OTOGL: variants seen among roughly 807,000 people sequenced by gnomAD.
The protein encoded by OTOGL is otogelin like.
A neutral mutation model predicts 318.5 loss-of-function variants in OTOGL; 285 were observed. The ratio of observed to expected loss-of-function variants is 0.89; its 90% CI spans 0.81 to 0.99. The LOEUF is 0.99. OTOGL is among the 50% of genes least tolerant of loss of function. OTOGL has a pLI of 0.00. For missense variants in OTOGL, 2,899 were observed against 2,845.6 expected (o/e 1.02, Z -0.43); for synonymous variants, 987 against 936.5 (o/e 1.05, Z -0.99).
At chr12:80,140,249 G>A (rs948563282) in intron 1 of OTOGL, among the ~76,000 whole-genome samples, 14 of 152,070 alleles carry the variant, frequency 9.2e-5, no homozygotes, top group Admixed American at 7.2e-4. Context: ...GTTGTTTTTC[G>A]TTTTACCAAC....
At chr12:80,349,809 T>C (rs1174113741) in intron 44 of OTOGL, among the ~76,000 whole-genome samples, 1 of 152,214 alleles carries the variant, frequency 6.6e-6, no homozygotes. Flanking sequence ...TTTATTTTTA[T>C]ATTGACAGAT....
rs757530648 is a variant in OTOGL at position 80,252,193 on chromosome 12, G to T, written c.1277G>T (p.Cys426Phe). 27 of 1,598,420 alleles carry T rather than the reference G, an allele frequency of 1.7e-5. No homozygotes were observed. Among genetic ancestry groups the T allele is most frequent in the African/African-American group, 2.7e-5 (2 of 74,768 alleles). ...SNLHCLDGCY[C>F]PDGLVMDNGT... ...CTCCATTGTCTTGATGGATGTTACT[G>T]CCCAGATGGTAAGTGCTTCATGAAG... The change falls in exon 13 of 59, where the codon TGC (cysteine) becomes TTC (phenylalanine). Residue 426 changes from cysteine to phenylalanine, a missense_variant. Physicochemically the swap from Cys to Phe is radical, Grantham distance 205 (BLOSUM62 -2). Coordinates refer to ENST00000547103, the MANE Select transcript of OTOGL (RefSeq NM_001378609.3).
At chr12:80,314,226 A>G (rs1202901981) in intron 31 of OTOGL, 79 bp from the exon 32 acceptor site, 10 of 416,628 alleles carry the variant, frequency 2.4e-5, no homozygotes, top group Admixed American at 1.5e-4. Flanking sequence ...ATTGATAAAT[A>G]TGTGGCCATA....
At chr12:80,330,796 G>A (rs1041457308) in intron 37 of OTOGL, among the ~76,000 whole-genome samples, 2 of 152,120 alleles carry the variant, frequency 1.3e-5, no homozygotes, top group African/African-American at 2.4e-5. Flanking sequence ...GAATGCAAGA[G>A]CAATACACAA....
chr12:80,109,767 C>G (rs1242679105), intron 1 of OTOGL, among the ~76,000 whole-genome samples: 1 of 152,082 alleles, frequency 6.6e-6, no homozygotes, highest in East Asian at 1.9e-4. Flanking sequence ...GACTGATGAC[C>G]ACCACATTAG....
intron 18 of OTOGL, among the ~76,000 whole-genome samples, chr12:80,260,500 A>G (rs1460442444): frequency 3.9e-5 from 6 of 152,142 alleles, no homozygotes; most frequent in African/African-American, 1.4e-4. Flanking sequence ...TAAGAGTGCA[A>G]GATGATACTT....
intron 1 of OTOGL, among the ~76,000 whole-genome samples, chr12:80,168,109 C>T (rs1291903380): frequency 2.6e-5 from 4 of 151,920 alleles, no homozygotes; most frequent in African/African-American, 9.7e-5. Flanking sequence ...AGGCGCACGC[C>T]ACCACACCTG....
At chr12:80,268,580 C>A (rs1430401037) in intron 22 of OTOGL, among the ~76,000 whole-genome samples, 4 of 152,166 alleles carry the variant, frequency 2.6e-5, no homozygotes, top group Non-Finnish European at 5.9e-5. Flanking sequence ...GCTCTTGGAT[C>A]TTTCTGTGGT....
Position 80,310,661 on chromosome 12 carries a change from A to T in OTOGL, c.3384A>T (p.Lys1128Asn), listed in dbSNP as rs1886572929. Residue 1128 changes from lysine (K) to asparagine (N), a missense_variant, in exon 30 of 59, where the codon AAA (lysine) becomes AAT (asparagine). Transcript: ENST00000547103. ...AACCCTGTGAGGCACATCAAAACAA[A>T]TTTCCTTATGCCAAGAAAGAATGCT... ...TIKPCEAHQN[K>N]FPYAKKECSI... 6.3e-7 allele frequency: 1 copy of T among 1,597,322 alleles called. No individual in the cohort carries two copies. Among genetic ancestry groups the T allele is most frequent in the South Asian group, 1.1e-5 (1 of 91,036 alleles).
At position 80,229,222 on chromosome 12, in the gene OTOGL, T is replaced by C. The variant is rs765798672; in HGVS notation, c.490-35T>C. 4 of 1,583,304 alleles carry C rather than the reference T, an allele frequency of 2.5e-6. No homozygotes were observed. In the South Asian group the frequency reaches 4.4e-5, roughly 18 times the overall value. On this transcript the variant is annotated intron_variant, in intron 7 of 58. Coordinates refer to ENST00000547103, the MANE Select transcript of OTOGL (RefSeq NM_001378609.3). ...TTTAATAACTCAGATTTATTGTTTG[T>C]TCCTATGCTTTCTTTTTGTTTTTCT...
At chr12:80,149,657 C>G (rs12827400) in intron 1 of OTOGL, among the ~76,000 whole-genome samples, 3,431 of 152,218 alleles carry the variant, frequency 0.023, 64 homozygotes, top group Non-Finnish European at 0.036. Flanking sequence ...GCGGGCGCCC[C>G]TCCCCCAGCC....
At chr12:80,324,251 A>G (rs1300677706) in intron 35 of OTOGL, among the ~76,000 whole-genome samples, 1 of 152,228 alleles carries the variant, frequency 6.6e-6, no homozygotes, top group Non-Finnish European at 1.5e-5. Context: ...TGGTCAGTGA[A>G]GAGCACCCTG....
chr12:80,185,638 GATA>G (rs1395852598), intron 1 of OTOGL, among the ~76,000 whole-genome samples: 3 of 152,094 alleles, frequency 2.0e-5, no homozygotes, highest in Non-Finnish European at 4.4e-5. Flanking sequence ...TGTAAAAAGG[GATA>G]ATAATGGCAT....
intron 18 of OTOGL, among the ~76,000 whole-genome samples, chr12:80,259,938 A>G (rs111745725): frequency 3.2e-4 from 49 of 152,112 alleles, no homozygotes; most frequent in African/African-American, 1.2e-3. Context: ...TTCAGACATT[A>G]TTTGCCTCAA....
At chr12:80,353,203 C>T in intron 45 of OTOGL, 122 bp from the exon 46 acceptor site, 2 of 718,722 alleles carry the variant, frequency 2.8e-6, no homozygotes, top group Non-Finnish European at 4.1e-6. Flanking sequence ...GAAAAATGGA[C>T]TTTGAAGAGA....
intron 35 of OTOGL, among the ~76,000 whole-genome samples, chr12:80,324,896 G>T (rs1343227619): frequency 6.6e-6 from 1 of 152,180 alleles, no homozygotes; most frequent in African/African-American, 2.4e-5. Context: ...TAAGGAAGAT[G>T]TTAGAAGAAA....
intron 1 of OTOGL, among the ~76,000 whole-genome samples, chr12:80,162,295 A>T (rs1450638106): frequency 6.6e-6 from 1 of 152,142 alleles, no homozygotes; most frequent in Non-Finnish European, 1.5e-5. Context: ...ATAGAAACAG[A>T]TGCACTTCTC....
In OTOGL at chr12:80,252,198, G is replaced by C. The variant is rs769096666; in HGVS notation, c.1282G>C (p.Asp428His). ...LHCLDGCYCP[D>H]GLVMDNGTCI... ...TTGTCTTGATGGATGTTACTGCCCA[G>C]ATGGTAAGTGCTTCATGAAGAAACC... Residue 428 changes from aspartate (D) to histidine (H), a missense_variant, in exon 13 of 59, where the codon GAT becomes CAT. Transcript: ENST00000547103. 1.1e-5 allele frequency: 18 copies of C among 1,598,080 alleles called. No homozygotes were observed. The Admixed American group carries it at 3.1e-4, about 28-fold the overall frequency.
At chr12:80,271,877 A>G in intron 24 of OTOGL, 67 bp downstream of exon 24, 1 of 1,499,780 alleles carries the variant, frequency 6.7e-7, no homozygotes, top group East Asian at 2.3e-5. Flanking sequence ...TCCTGAAAAC[A>G]TTCTTTATAG....
Sources: gnomAD v4.1 joint callset for allele counts (sites outside exome capture counted in the v4.1 genomes callset) on GRCh38, gnomAD v4.1.1 for gene constraint, MANE v1.5 for transcripts, NCBI Gene and HGNC (gene_info 2026-07-23, HGNC 2026-07-21) for gene names.